Variants in MAP2K4 observed in about 807,000 individuals in gnomAD.
The protein encoded by MAP2K4 is dual specificity mitogen-activated protein kinase kinase 4.
In MAP2K4, 4 loss-of-function variants were observed where a neutral mutation model predicts 48.5. The observed-to-expected ratio is 0.08, with a 90% confidence interval of 0.04 to 0.19. The LOEUF (loss-of-function observed/expected upper bound fraction) is 0.19. MAP2K4 is among the 10% of genes least tolerant of loss of function. The pLI is 1.00. For synonymous variants in MAP2K4, 166 were observed against 173.1 expected, an observed-to-expected ratio of 0.96 and a Z score of 0.32; for missense variants, 258 against 493.3, an observed-to-expected ratio of 0.52 and a Z score of 4.52.
intron 1 of MAP2K4, 187 bp downstream of exon 1, chr17:12,021,188 C>T (rs1215836668): frequency 5.7e-6 from 2 of 348,118 alleles, no homozygotes; most frequent in African/African-American, 4.3e-5. Context: ...GATCCGGGCT[C>T]CGGCCCGCAT....
intron 2 of MAP2K4, among the ~76,000 whole-genome samples, chr17:12,077,640 G>T (rs1971056905): frequency 6.6e-6 from 1 of 152,124 alleles, no homozygotes; most frequent in Admixed American, 6.5e-5. Flanking sequence ...CAAGAAGGAG[G>T]TTGGAGGAAA....
chr17:12,134,274 T>G (rs1973132964), intron 9 of MAP2K4, among the ~76,000 whole-genome samples: 1 of 152,198 alleles, frequency 6.6e-6, no homozygotes, highest in Non-Finnish European at 1.5e-5. Flanking sequence ...ATGAAAACTT[T>G]CAGTGATTCG....
chr17:12,107,962 C>A, intron 5 of MAP2K4, 53 bp downstream of exon 5: 2 of 1,418,498 alleles, frequency 1.4e-6, no homozygotes, highest in Non-Finnish European at 9.3e-7. Context: ...TATAGAGATG[C>A]TGCTGGAGTT....
Position 12,118,408 on chromosome 17 carries a change from T to C in MAP2K4, c.813+5048T>C, listed in dbSNP as rs556010272. On this transcript the variant is annotated intron_variant, in intron 7 of 10. Coordinates refer to ENST00000353533, the MANE Select transcript of MAP2K4 (RefSeq NM_003010.4). ...ATCCTTCCTGTTTTCAAGAAGTGAA[T>C]GTCTTACCAGTCCATTATTATACTA... Among the ~76,000 whole-genome samples the C allele has an allele frequency of 2.0e-5, 3 of 152,224 alleles. No individual in the cohort carries two copies. The South Asian group carries it at 6.2e-4, about 32-fold the overall frequency.
At chr17:12,088,461 T>TTAC (rs1971439779) in intron 3 of MAP2K4, among the ~76,000 whole-genome samples, 2 of 48,924 alleles carry the variant, frequency 4.1e-5, no homozygotes, top group Non-Finnish European at 3.8e-5. Context: ...TTAAATATTA[T>TTAC]ACAATATTAA....
intron 7 of MAP2K4, chr17:12,115,838 G>A: frequency 1.4e-6 from 1 of 710,044 alleles, no homozygotes; most frequent in South Asian, 1.4e-5. Context: ...TGTGCGATGG[G>A]AGAATAAAAC....
chr17:12,048,463 T>C (rs1970033558), intron 1 of MAP2K4, among the ~76,000 whole-genome samples: 1 of 152,196 alleles, frequency 6.6e-6, no homozygotes, highest in Non-Finnish European at 1.5e-5. Flanking sequence ...CAGTGCTTTA[T>C]TGATGAGAGT....
chr17:12,141,545 G>A lies in MAP2K4; in HGVS notation c.*285G>A. 2.3e-6 allele frequency: 1 copy of A among 429,638 alleles called. No homozygotes were observed. Among genetic ancestry groups the A allele is most frequent in the Non-Finnish European group, 4.2e-6 (1 of 236,696 alleles). The allele number at this position is 429,638 out of a possible 1,614,324, so 26.6% of individuals were successfully genotyped here. A position where few individuals can be genotyped will look rare whatever the true frequency, so the allele number is the denominator to read the frequency against. ...AGTCAGTACGATCAAGTTGTTGACT[G>A]TGATTAGATCACATCTTAAATTCAT... On this transcript the variant is annotated 3_prime_UTR_variant, in exon 11 of 11. Transcript: ENST00000353533.
At chr17:12,053,591 A>C (rs370295014) in intron 1 of MAP2K4, among the ~76,000 whole-genome samples, 1 of 150,648 alleles carries the variant, frequency 6.6e-6, no homozygotes, top group African/African-American at 2.4e-5. Context: ...TTCCTAGTGT[A>C]CCCTTTGCAC....
At chr17:12,070,588 G>A (rs2151539338) in intron 2 of MAP2K4, among the ~76,000 whole-genome samples, 1 of 152,276 alleles carries the variant, frequency 6.6e-6, no homozygotes, top group South Asian at 2.1e-4. Flanking sequence ...TAGAAAATAT[G>A]ATTTAGATTA....
intron 7 of MAP2K4, chr17:12,115,953 T>C (rs1371579051): frequency 4.4e-6 from 2 of 449,712 alleles, no homozygotes; most frequent in African/African-American, 2.0e-5. Context: ...ATGAATTGAG[T>C]GAACTCTTTT....
At chr17:12,131,181 G>T (rs1168761486) in intron 9 of MAP2K4, among the ~76,000 whole-genome samples, 2 of 151,144 alleles carry the variant, frequency 1.3e-5, no homozygotes, top group African/African-American at 4.9e-5. Context: ...AATTAATTTA[G>T]GCTTTCAGAA....
intron 2 of MAP2K4, among the ~76,000 whole-genome samples, chr17:12,078,389 T>TG (rs1275671724): frequency 6.6e-6 from 1 of 152,082 alleles, no homozygotes; most frequent in South Asian, 2.1e-4. Flanking sequence ...ATTTTTATTT[T>TG]GGGGGGTACA....
chr17:12,102,077 T>A (rs1411765877), intron 4 of MAP2K4, among the ~76,000 whole-genome samples: 1 of 152,140 alleles, frequency 6.6e-6, no homozygotes, highest in Non-Finnish European at 1.5e-5. Flanking sequence ...CCTTGTTTTT[T>A]TTCCTGATCC....
chr17:12,093,925 A>G (rs1235037426), intron 3 of MAP2K4, among the ~76,000 whole-genome samples: 1 of 152,244 alleles, frequency 6.6e-6, no homozygotes, highest in Non-Finnish European at 1.5e-5. Flanking sequence ...AAATTATTAC[A>G]TCATGCTTTG....
At chr17:12,028,591 C>T (rs760816977) in intron 1 of MAP2K4, among the ~76,000 whole-genome samples, 1 of 152,168 alleles carries the variant, frequency 6.6e-6, no homozygotes, top group Non-Finnish European at 1.5e-5. Flanking sequence ...AGGTGTCAGA[C>T]AAATAGACCC....
chr17:12,107,701 A>G (rs1339333956), intron 4 of MAP2K4, 89 bp from the exon 5 acceptor site: 13 of 1,112,610 alleles, frequency 1.2e-5, no homozygotes, highest in South Asian at 1.5e-5. Flanking sequence ...CAAGAATAAG[A>G]TTGCTCCTTT....
chr17:12,114,810 C>T (rs945794422), intron 7 of MAP2K4, among the ~76,000 whole-genome samples: 1 of 152,196 alleles, frequency 6.6e-6, no homozygotes, highest in Non-Finnish European at 1.5e-5. Context: ...AAGACTCAGA[C>T]TTTCTTTAAA....
intron 1 of MAP2K4, among the ~76,000 whole-genome samples, chr17:12,048,268 A>G (rs1225897220): frequency 6.6e-6 from 1 of 152,208 alleles, no homozygotes; most frequent in Non-Finnish European, 1.5e-5. Context: ...CCTGGCATAT[A>G]ACTTGTTTGT....
Sources: allele counts gnomAD v4.1 joint callset (sites outside exome capture counted in the v4.1 genomes callset), GRCh38; gene constraint gnomAD v4.1.1; transcripts MANE v1.5; gene names NCBI Gene and HGNC (gene_info 2026-07-23, HGNC 2026-07-21).